OR4M2B: variants seen among roughly 807,000 people sequenced by gnomAD.
The protein encoded by OR4M2B is olfactory receptor family 4 subfamily M member 2B.
OR4M2B carries 3 observed loss-of-function variants against 14.3 expected under a neutral mutation model. The ratio of observed to expected loss-of-function variants is 0.21; its 90% CI spans 0.10 to 0.54. The LOEUF (loss-of-function observed/expected upper bound fraction) is 0.54. Among genes scored for constraint, OR4M2B ranks in the 20% least tolerant of loss-of-function variants. The probability of loss-of-function intolerance (pLI) is 0.94; values close to 1 mark genes in which losing one functional copy is unlikely to be tolerated. For synonymous variants in OR4M2B, 21 were observed against 122.0 expected (o/e 0.17, Z 5.45); for missense variants, 50 against 329.5 (o/e 0.15, Z 6.57).
At chr15:21,638,382 A>G in exon 1 of OR4M2B, 2 of 1,503,584 alleles carry the variant, frequency 1.3e-6, no homozygotes, top group Non-Finnish European at 1.8e-6. Flanking sequence ...CTACACTGCT[A>G]TCTGCCGACC....
chr15:21,638,327 T>C (rs1888710287), exon 1 of OR4M2B: 1 of 1,550,592 alleles, frequency 6.4e-7, no homozygotes, highest in Admixed American at 1.7e-5. Flanking sequence ...TACACTTTGC[T>C]GGGGCTTCAG....
chr15:21,637,994 G>A, exon 1 of OR4M2B: 1 of 447,296 alleles, frequency 2.2e-6, no homozygotes, highest in South Asian at 2.8e-5. Context: ...TATGAAAAGA[G>A]TAAATTGAAG....
Position 21,638,313 on chromosome 15 carries a change from T to C in OR4M2B, c.307T>C (p.Phe103Leu). Residue 103 changes from phenylalanine to leucine, a missense_variant, in exon 1 of 1, where the codon TTC (phenylalanine) becomes CTC (leucine). Phe to Leu is a conservative substitution (Grantham distance 22). Coordinates refer to ENST00000332663, the Ensembl canonical transcript of OR4M2B. ...TGATGAATGCATTGCACAGCTCTTCTTCTTACACTTTGCTGGGGCTTCAGA... is the reference window on the plus strand; with the variant it reads ...TGATGAATGCATTGCACAGCTCTTCCTCTTACACTTTGCTGGGGCTTCAGA... 3 of 1,554,078 alleles carry C rather than the reference T, an allele frequency of 1.9e-6. 1 individual carries two copies. In the African/African-American group the frequency reaches 5.1e-5, roughly 27 times the overall value.
chr15:21,638,296 G>C, exon 1 of OR4M2B: 1 of 1,556,120 alleles, frequency 6.4e-7, no homozygotes, highest in Non-Finnish European at 8.7e-7. Context: ...TTTGATGAAT[G>C]CATTGCACAG....
In OR4M2B at chr15:21,638,454, AGG is replaced by A. The variant is rs1298428816; in HGVS notation, c.454_455del (p.Gly152LeufsTer21). The A allele has an allele frequency of 7.5e-7, 1 of 1,324,638 alleles. No homozygotes were observed. Among genetic ancestry groups the A allele is most frequent in the Non-Finnish European group, 1.0e-6 (1 of 971,484 alleles). The allele number at this position is 1,324,638 out of a possible 1,614,324, so 82.1% of individuals were successfully genotyped here. A position where few individuals can be genotyped will look rare whatever the true frequency, so the allele number is the denominator to read the frequency against. On this transcript the variant is annotated frameshift_variant, in exon 1 of 1. Transcript: ENST00000332663. LOFTEE classifies it high-confidence loss of function. ...CTGTATCCTGGTGGCTCTCTCCTGG[AGG>A]GGGGGCTTCATTCATTCTATCATAC...
chr15:21,638,321 C>G, exon 1 of OR4M2B: 1 of 1,551,864 alleles, frequency 6.4e-7, no homozygotes, highest in Non-Finnish European at 8.7e-7. Flanking sequence ...TCTTCTTACA[C>G]TTTGCTGGGG....
At chr15:21,638,135 C>A in exon 1 of OR4M2B, 2 of 847,808 alleles carry the variant, frequency 2.4e-6, no homozygotes, top group Non-Finnish European at 3.6e-6. Flanking sequence ...CAGGAAATAT[C>A]CTTATCATTT....
exon 1 of OR4M2B, chr15:21,638,409 A>G: frequency 7.2e-7 from 1 of 1,391,856 alleles, no homozygotes; most frequent in Admixed American, 1.9e-5. Context: ...CTATGCTACC[A>G]TCATGAATCA....
chr15:21,638,312 C>T lies in OR4M2B; in HGVS notation c.306C>T (p.Phe102=), dbSNP rs1287908286. Residue 102 remains phenylalanine, a synonymous_variant, in exon 1 of 1, where the codon TTC becomes TTT. Transcript: ENST00000332663. ...TTGATGAATGCATTGCACAGCTCTT[C>T]TTCTTACACTTTGCTGGGGCTTCAG... 8 of 1,554,408 alleles carry T rather than the reference C, an allele frequency of 5.1e-6. 1 individual carries two copies. In the African/African-American group the frequency reaches 8.6e-5, roughly 17 times the overall value.
At position 21,637,944 on chromosome 15, in the gene OR4M2B, A is replaced by G. The variant is rs1888700149; in HGVS notation, c.-63A>G. On this transcript the variant is annotated 5_prime_UTR_variant, in exon 1 of 1. An upstream start codon of the reference 5' UTR is lost. Coordinates refer to ENST00000332663, the Ensembl canonical transcript of OR4M2B. ...AGTGATATAACTCTAGGTAAATGCT[A>G]TGTCTACTAATTATAGTTTCTTAAT... 5 of 364,670 alleles carry G rather than the reference A, an allele frequency of 1.4e-5. No homozygotes were observed. The highest frequency in any genetic ancestry group is 2.2e-5 in the Non-Finnish European group (5 of 228,692). 22.6% of individuals were successfully genotyped at this position (364,670 alleles called of 1,614,324 possible).
rs1216918704 is a variant in OR4M2B, at chr15:21,638,816, T to C, written c.810T>C (p.Asp270=). 5.1e-6 allele frequency: 7 copies of C among 1,371,316 alleles called. 2 individuals carry two copies. Among genetic ancestry groups the C allele is most frequent in the Non-Finnish European group, 1.0e-6 (1 of 1,004,468 alleles). The allele number at this position is 1,371,316 out of a possible 1,614,324, so 84.9% of individuals were successfully genotyped here. A position where few individuals can be genotyped will look rare whatever the true frequency, so the allele number is the denominator to read the frequency against. Residue 270 remains aspartate (D), a synonymous_variant, in exon 1 of 1, where the codon GAT becomes GAC. Transcript: ENST00000332663. ...GCCCATTTGACTCGTTTTCCCTAGA[T>C]AAAGTGGTGTCTGTGTTCAATACTT... is the stretch of plus-strand genomic sequence containing the variant.
chr15:21,638,057 A>G, exon 1 of OR4M2B: 1 of 615,822 alleles, frequency 1.6e-6, no homozygotes, highest in South Asian at 2.0e-5. Flanking sequence ...TCACTGGCCT[A>G]TCCCAGACTC....
In OR4M2B at chr15:21,638,234, T is replaced by G. The variant is rs1888707257; in HGVS notation, c.228T>G (p.Ile76Met). 1.5e-6 allele frequency: 2 copies of G among 1,378,526 alleles called. 1 individual carries two copies. The highest frequency in any genetic ancestry group is 2.4e-5 in the South Asian group (2 of 84,020). 85.4% of individuals were successfully genotyped at this position (1,378,526 alleles called of 1,614,324 possible). A position where few individuals can be genotyped will look rare whatever the true frequency, so the allele number is the denominator to read the frequency against. ...TCCTTGATATTTGGTACTCTTCCATTACAGCCCCTGAAATGCTCATAGACT... is the reference window on the plus strand; with the variant it reads ...TCCTTGATATTTGGTACTCTTCCATGACAGCCCCTGAAATGCTCATAGACT... Residue 76 changes from isoleucine to methionine, a missense_variant, in exon 1 of 1, where the codon ATT becomes ATG. Coordinates refer to ENST00000332663, the Ensembl canonical transcript of OR4M2B.
exon 1 of OR4M2B, chr15:21,638,613 A>G (rs1888716872): frequency 9.4e-6 from 10 of 1,068,124 alleles, no homozygotes; most frequent in Non-Finnish European, 1.4e-5. Context: ...GATCTGTAGT[A>G]GTGGTCTGAT....
rs1888707953 is a variant in OR4M2B, at chr15:21,638,258, C to CT, written c.254dup (p.Phe86LeufsTer10). The stretch of plus-strand genomic sequence containing the variant: ...TTACAGCCCCTGAAATGCTCATAGA[C>CT]TTCTTTGTGGAGAGGAAGATAATTT... On this transcript the variant is annotated frameshift_variant, in exon 1 of 1. Coordinates refer to ENST00000332663, the Ensembl canonical transcript of OR4M2B. LOFTEE classifies it high-confidence loss of function. 6.5e-7 allele frequency: 1 copy of CT among 1,527,540 alleles called. No individual in the cohort carries two copies. Among genetic ancestry groups the CT allele is most frequent in the Non-Finnish European group, 8.9e-7 (1 of 1,127,100 alleles). 94.6% of individuals were successfully genotyped at this position (1,527,540 alleles called of 1,614,324 possible).
At chr15:21,638,120 C>T (rs1369380157) in exon 1 of OR4M2B, 1 of 818,768 alleles carries the variant, frequency 1.2e-6, no homozygotes, top group Non-Finnish European at 1.9e-6. Context: ...ATTTGTTCAT[C>T]CTACCAGGAA....
exon 1 of OR4M2B, chr15:21,638,183 G>A (rs1481986989): frequency 9.8e-7 from 1 of 1,015,836 alleles, no homozygotes; most frequent in Non-Finnish European, 1.5e-6. Context: ...CCTCTCCTAT[G>A]TATTTCCTGT....
At chr15:21,638,343 T>C in exon 1 of OR4M2B, 5 of 1,547,834 alleles carry the variant, frequency 3.2e-6, no homozygotes, top group Non-Finnish European at 4.4e-6. Context: ...TTCAGAGATG[T>C]TCTTGCTCAC....
At chr15:21,638,876 A>T in exon 1 of OR4M2B, 1 of 1,435,854 alleles carries the variant, frequency 7.0e-7, no homozygotes, top group Non-Finnish European at 9.4e-7. Flanking sequence ...TTATTTACAC[A>T]TTGAGAAACA....
Sources: gnomAD v4.1 joint callset for allele counts on GRCh38, gnomAD v4.1.1 for gene constraint, MANE v1.5 for transcripts, NCBI Gene and HGNC (gene_info 2026-07-23, HGNC 2026-07-21) for gene names.